The following ADAMTS19 variants were observed in gnomAD, a reference collection of about 807,000 sequenced individuals.
The protein encoded by ADAMTS19 is A disintegrin and metalloproteinase with thrombospondin motifs 19.
In ADAMTS19, 93 loss-of-function variants were observed where a neutral mutation model predicts 153.3. The ratio of observed to expected loss-of-function variants is 0.61; its 90% confidence interval spans 0.51 to 0.72. The LOEUF (loss-of-function observed/expected upper bound fraction) is 0.72, where lower values mean the gene tolerates loss of function less well. Ranked by LOEUF, ADAMTS19 falls within the 30% of genes least tolerant of loss-of-function variation. The probability of loss-of-function intolerance (pLI) is 0.00; values close to 1 mark genes in which losing one functional copy is unlikely to be tolerated. For missense variants in ADAMTS19, 1,482 were observed against 1,552.1 expected (o/e 0.95, Z 0.76); for synonymous variants, 600 against 556.6 (o/e 1.08, Z -1.10).
intron 8 of ADAMTS19, among the ~76,000 whole-genome samples, chr5:129,619,359 GTTGT>G (rs1214442699): frequency 1.3e-5 from 2 of 151,892 alleles, no homozygotes; most frequent in African/African-American, 2.4e-5. Flanking sequence ...ACCACATTTG[GTTGT>G]TTAACTCAAG....
chr5:129,579,895 C>A lies in ADAMTS19; in HGVS notation c.1373-16664C>A, dbSNP rs531014217. ...GACGCCTCCAGCTTTGTTCTTTTTG[C>A]TTAGGATTTTCTTGACTATACGGGC... is the stretch of plus-strand genomic sequence containing the variant. On this transcript the variant is annotated intron_variant, in intron 7 of 22. Transcript: ENST00000274487. Among the ~76,000 whole-genome samples, 182 of 152,212 alleles carry A rather than the reference C, an allele frequency of 1.2e-3. 1 individual carries two copies. The highest frequency in any genetic ancestry group is 4.2e-3 in the African/African-American group (176 of 41,536).
At chr5:129,680,761 CA>C (rs529460608) in intron 17 of ADAMTS19, among the ~76,000 whole-genome samples, 6,103 of 90,584 alleles carry the variant, frequency 0.067, 299 homozygotes, top group African/African-American at 0.19. Flanking sequence ...GACTCTGTCT[CA>C]AAAAAAAAAA....
At chr5:129,524,759 G>GAA (rs76679982) in intron 3 of ADAMTS19, among the ~76,000 whole-genome samples, 7 of 138,210 alleles carry the variant, frequency 5.1e-5, no homozygotes, top group African/African-American at 1.3e-4. Context: ...AACTTGAAGG[G>GAA]AAAAAAAAAA....
At chr5:129,632,175 T>G (rs1000582020) in intron 10 of ADAMTS19, among the ~76,000 whole-genome samples, 1 of 152,024 alleles carries the variant, frequency 6.6e-6, no homozygotes, top group Admixed American at 6.6e-5. Context: ...AGTTGGCCAG[T>G]CTCCAGGCCA....
intron 19 of ADAMTS19, among the ~76,000 whole-genome samples, chr5:129,698,565 C>T (rs1342761219): frequency 5.3e-5 from 8 of 152,024 alleles, no homozygotes; most frequent in Non-Finnish European, 7.4e-5. Context: ...CATTAGAATA[C>T]GTTTTATATT....
At chr5:129,736,184 C>T (rs1757656358) in intron 22 of ADAMTS19, among the ~76,000 whole-genome samples, 1 of 151,940 alleles carries the variant, frequency 6.6e-6, no homozygotes, top group South Asian at 2.1e-4. Context: ...TAATTCCTTT[C>T]TCCAACAATT....
intron 18 of ADAMTS19, among the ~76,000 whole-genome samples, chr5:129,693,022 A>T (rs574767812): frequency 1.3e-5 from 2 of 152,332 alleles, no homozygotes; most frequent in Admixed American, 1.3e-4. Flanking sequence ...TGTTGATTGA[A>T]CTAAAGGTCC....
chr5:129,696,307 C>T (rs544882922), intron 19 of ADAMTS19, among the ~76,000 whole-genome samples: 19 of 152,112 alleles, frequency 1.2e-4, no homozygotes, highest in Non-Finnish European at 2.6e-4. Context: ...ATCCTAGCTA[C>T]TCGGGAGGCT....
intron 13 of ADAMTS19, among the ~76,000 whole-genome samples, chr5:129,651,208 C>T (rs1753301505): frequency 6.6e-6 from 1 of 152,134 alleles, no homozygotes; most frequent in Non-Finnish European, 1.5e-5. Context: ...CATGAGTTTA[C>T]GTCTTCAACT....
At chr5:129,665,997 T>G (rs1383171725) in intron 16 of ADAMTS19, among the ~76,000 whole-genome samples, 3 of 149,948 alleles carry the variant, frequency 2.0e-5, no homozygotes, top group Non-Finnish European at 4.4e-5. Flanking sequence ...ATATATAAAA[T>G]GATCGTTTCG....
chr5:129,714,401 G>A (rs1418263418), intron 21 of ADAMTS19, among the ~76,000 whole-genome samples: 1 of 143,726 alleles, frequency 7.0e-6, no homozygotes, highest in Non-Finnish European at 1.5e-5. Flanking sequence ...AGTCCGGCCT[G>A]GGCGACAGAG....
At chr5:129,661,545 C>T (rs542113496) in intron 15 of ADAMTS19, among the ~76,000 whole-genome samples, 8 of 152,296 alleles carry the variant, frequency 5.3e-5, no homozygotes, top group Non-Finnish European at 2.9e-5. Flanking sequence ...GAGTAACCCA[C>T]GTGCAAACAC....
intron 2 of ADAMTS19, among the ~76,000 whole-genome samples, chr5:129,466,144 G>C (rs1749848648): frequency 6.6e-6 from 1 of 152,216 alleles, no homozygotes; most frequent in Non-Finnish European, 1.5e-5. Context: ...ACCCAGGCCT[G>C]TGGGTGACAC....
At chr5:129,567,645 C>T (rs1753762295) in intron 7 of ADAMTS19, among the ~76,000 whole-genome samples, 1 of 151,868 alleles carries the variant, frequency 6.6e-6, no homozygotes, top group Non-Finnish European at 1.5e-5. Context: ...AAGAAACTAT[C>T]CAATCTGATA....
rs553388312 is a variant in ADAMTS19, at chr5:129,557,547, C to T, written c.1372+5640C>T. On this transcript the variant is annotated intron_variant, in intron 7 of 22. Transcript: ENST00000274487. ...CCCAAAGGCAGAGGTTGCAGTGAGC[C>T]GAGATGGTGGCACTGCACTCCAGCC... is the stretch of plus-strand genomic sequence containing the variant. Among the ~76,000 whole-genome samples the T allele has an allele frequency of 1.4e-3, 216 of 152,148 alleles. 2 individuals are homozygous for T. The highest frequency in any genetic ancestry group is 5.0e-3 in the African/African-American group (208 of 41,502).
intron 10 of ADAMTS19, among the ~76,000 whole-genome samples, chr5:129,629,397 A>T (rs1581164415): frequency 6.6e-6 from 1 of 152,066 alleles, no homozygotes; most frequent in African/African-American, 2.4e-5. Flanking sequence ...TTGTAGTGTG[A>T]GGGTTCACAG....
chr5:129,667,851 A>G (rs1484141572), intron 16 of ADAMTS19, among the ~76,000 whole-genome samples: 1 of 152,110 alleles, frequency 6.6e-6, no homozygotes, highest in Non-Finnish European at 1.5e-5. Flanking sequence ...CCAAATAAAA[A>G]ATTTGATTTC....
intron 2 of ADAMTS19, among the ~76,000 whole-genome samples, chr5:129,502,501 G>A (rs1028012751): frequency 1.3e-5 from 2 of 152,154 alleles, no homozygotes; most frequent in Admixed American, 1.3e-4. Context: ...CTCCTGTAAT[G>A]CTCAGATGAT....
chr5:129,720,778 T>C (rs1756971926), intron 21 of ADAMTS19, among the ~76,000 whole-genome samples: 1 of 152,158 alleles, frequency 6.6e-6, no homozygotes, highest in South Asian at 2.1e-4. Flanking sequence ...TTTTTAGGAA[T>C]AGCCCATTTA....
Sources: gnomAD v4.1 joint callset for allele counts (sites outside exome capture counted in the v4.1 genomes callset) on GRCh38, gnomAD v4.1.1 for gene constraint, MANE v1.5 for transcripts, NCBI Gene and HGNC (gene_info 2026-07-23, HGNC 2026-07-21) for gene names.